The following TMEM120B variants were observed in gnomAD, a reference collection of about 807,000 sequenced individuals.
TMEM120B encodes the protein transmembrane protein 120B.
Under a neutral mutation model 55.5 loss-of-function variants are expected in TMEM120B, and 31 were observed. The observed-to-expected ratio is 0.56, with a 90% CI of 0.42 to 0.75. The LOEUF is 0.75. TMEM120B is among the 30% of genes least tolerant of loss of function. TMEM120B has a pLI of 0.00. For missense variants in TMEM120B, 399 were observed against 425.5 expected (o/e 0.94, Z 0.55); for synonymous variants, 203 against 176.3 (o/e 1.15, Z -1.20).
intron 6 of TMEM120B, among the ~76,000 whole-genome samples, chr12:121,762,022 G>C (rs1468482230): frequency 3.7e-4 from 56 of 152,190 alleles, no homozygotes; most frequent in Non-Finnish European, 1.0e-4. Flanking sequence ...GCATGGCACG[G>C]TGGCTCACGC....
intron 1 of TMEM120B, among the ~76,000 whole-genome samples, chr12:121,731,660 T>C (rs1344440953): frequency 6.6e-6 from 1 of 152,260 alleles, no homozygotes; most frequent in East Asian, 1.9e-4. Flanking sequence ...GTTTGCGTAA[T>C]GACGGCATCG....
chr12:121,741,133 T>C (rs1403195326), intron 1 of TMEM120B, among the ~76,000 whole-genome samples: 3 of 152,088 alleles, frequency 2.0e-5, no homozygotes, highest in Non-Finnish European at 2.9e-5. Flanking sequence ...GCATACAAAA[T>C]TAGGTAGCCA....
rs150560340 is a variant in TMEM120B, at chr12:121,728,228, G to A, written c.69+15264G>A. ...TCACAGGCCGGGCACGGTGGCTCAC[G>A]CCTGTAATGCCAGCACTTTGGGAGG... is the stretch of plus-strand genomic sequence containing the variant. On this transcript the variant is annotated intron_variant, in intron 1 of 11. Transcript: ENST00000449592. Among the ~76,000 whole-genome samples, 373 of 151,786 alleles carry A rather than the reference G, an allele frequency of 2.5e-3. 1 individual carries two copies. Among genetic ancestry groups the A allele is most frequent in the African/African-American group, 8.8e-3 (366 of 41,456 alleles).
chr12:121,760,517 A>T (rs1236433128), intron 5 of TMEM120B, among the ~76,000 whole-genome samples: 2 of 152,174 alleles, frequency 1.3e-5, no homozygotes, highest in East Asian at 3.9e-4. Flanking sequence ...GGAGTTGCAC[A>T]CATGCTCACT....
intron 6 of TMEM120B, among the ~76,000 whole-genome samples, chr12:121,766,610 A>T (rs1189178784): frequency 6.6e-6 from 1 of 152,152 alleles, no homozygotes; most frequent in Admixed American, 6.5e-5. Context: ...AGAGCCAGTC[A>T]CTGTTGCCAG....
In TMEM120B at chr12:121,713,031, C is replaced by T. The variant is rs1000622514; in HGVS notation, c.69+67C>T. The stretch of plus-strand genomic sequence containing the variant: ...GTGCAGCGCCTTGCCCTTCCTGAGC[C>T]CCCCGGCCCGGGCGGTGGGGACAGT... On this transcript the variant is annotated intron_variant, in intron 1 of 11. Coordinates refer to ENST00000449592, the MANE Select transcript of TMEM120B (RefSeq NM_001080825.2). The T allele has an allele frequency of 4.4e-6, 6 of 1,366,114 alleles. No individual in the cohort carries two copies. The African/African-American group carries it at 4.6e-5, about 11-fold the overall frequency. 84.6% of individuals were successfully genotyped at this position (1,366,114 alleles called of 1,614,324 possible).
chr12:121,722,343 C>T (rs1025929079), intron 1 of TMEM120B, among the ~76,000 whole-genome samples: 1 of 152,190 alleles, frequency 6.6e-6, no homozygotes, highest in Admixed American at 6.6e-5. Context: ...GTGATCTGCT[C>T]ACCTCAGCCT....
chr12:121,766,466 C>T (rs1044886755), intron 6 of TMEM120B, among the ~76,000 whole-genome samples: 10 of 152,172 alleles, frequency 6.6e-5, no homozygotes, highest in African/African-American at 1.7e-4. Flanking sequence ...TTTTCCCCTG[C>T]GATGGCCCCC....
At chr12:121,725,287 T>A (rs117100787) in intron 1 of TMEM120B, among the ~76,000 whole-genome samples, 1 of 152,280 alleles carries the variant, frequency 6.6e-6, no homozygotes, top group East Asian at 1.9e-4. Context: ...GATTCGATGG[T>A]GGGAGTCAAT....
intron 1 of TMEM120B, among the ~76,000 whole-genome samples, chr12:121,734,313 C>T (rs1410711310): frequency 6.6e-6 from 1 of 151,940 alleles, no homozygotes; most frequent in Non-Finnish European, 1.5e-5. Context: ...GGCTGGAGTG[C>T]AATGGCATGA....
At chr12:121,731,194 A>G (rs1430296763) in intron 1 of TMEM120B, among the ~76,000 whole-genome samples, 2 of 152,162 alleles carry the variant, frequency 1.3e-5, no homozygotes, top group African/African-American at 2.4e-5. Context: ...CAGTGGTCCT[A>G]TGAGATTATG....
intron 9 of TMEM120B, among the ~76,000 whole-genome samples, chr12:121,774,379 A>AGATT (rs1412787409): frequency 6.6e-6 from 1 of 152,244 alleles, no homozygotes. Context: ...AACCCTGTGC[A>AGATT]GATTAAAGAA....
Position 121,779,582 on chromosome 12 carries a change from G to A in TMEM120B, c.*3860G>A. On this transcript the variant is annotated 3_prime_UTR_variant, in exon 12 of 12. Transcript: ENST00000449592. ...GAGCCACCTTGGCGGCCTCCCGGAA[G>A]ACGTCCTCCACATTCTCCCGAAACT... 2 of 1,614,192 alleles carry A rather than the reference G, an allele frequency of 1.2e-6. No individual in the cohort carries two copies. The highest frequency in any genetic ancestry group is 1.7e-6 in the Non-Finnish European group (2 of 1,180,044).
At position 121,712,858 on chromosome 12, in the gene TMEM120B, G is replaced by A. The variant is rs937962219; in HGVS notation, c.-38G>A. 7.0e-7 allele frequency: 1 copy of A among 1,421,642 alleles called. No homozygotes were observed. Among genetic ancestry groups the A allele is most frequent in the Non-Finnish European group, 9.2e-7 (1 of 1,085,176 alleles). The allele number at this position is 1,421,642 out of a possible 1,614,324, so 88.1% of individuals were successfully genotyped here. ...GGGGGCCGGTCGGGCAGCGCTGCGGGAGCAGCCGCCGGCACCGCCGCCTTG... is the reference window on the plus strand; with the variant it reads ...GGGGGCCGGTCGGGCAGCGCTGCGGAAGCAGCCGCCGGCACCGCCGCCTTG... On this transcript the variant is annotated 5_prime_UTR_variant, in exon 1 of 12. Coordinates refer to ENST00000449592, the MANE Select transcript of TMEM120B (RefSeq NM_001080825.2).
intron 1 of TMEM120B, among the ~76,000 whole-genome samples, chr12:121,714,274 T>A (rs1476367631): frequency 6.6e-6 from 1 of 152,144 alleles, no homozygotes; most frequent in Admixed American, 6.6e-5. Flanking sequence ...TTGTTTTGTT[T>A]TTGTGACAGA....
At chr12:121,740,303 G>T (rs1872895655) in intron 1 of TMEM120B, among the ~76,000 whole-genome samples, 1 of 151,854 alleles carries the variant, frequency 6.6e-6, no homozygotes, top group South Asian at 2.1e-4. Flanking sequence ...TGACCAACAT[G>T]GAGAAACCCT....
chr12:121,719,327 T>C (rs1473605645), intron 1 of TMEM120B, among the ~76,000 whole-genome samples: 2 of 151,900 alleles, frequency 1.3e-5, no homozygotes, highest in Non-Finnish European at 2.9e-5. Context: ...TAGTGGCCTA[T>C]GCCTGTAATC....
intron 1 of TMEM120B, among the ~76,000 whole-genome samples, chr12:121,734,729 C>T (rs1032885232): frequency 6.6e-6 from 1 of 151,910 alleles, no homozygotes; most frequent in African/African-American, 2.4e-5. Context: ...GCCTGGCCAA[C>T]ATGGCAAAAC....
chr12:121,728,488 C>CA (rs745979690), intron 1 of TMEM120B, among the ~76,000 whole-genome samples: 1,628 of 102,518 alleles, frequency 0.016, 24 homozygotes, highest in African/African-American at 0.044. Context: ...GACTCCGTCT[C>CA]AAAAAAAAAA....
Sources: gnomAD v4.1 joint callset for allele counts (sites outside exome capture counted in the v4.1 genomes callset) on GRCh38, gnomAD v4.1.1 for gene constraint, MANE v1.5 for transcripts, NCBI Gene and HGNC (gene_info 2026-07-23, HGNC 2026-07-21) for gene names.